The following IL1RL1 variants were observed in gnomAD, a reference collection of about 807,000 sequenced individuals.
The protein encoded by IL1RL1 is interleukin-1 receptor-like 1.
Under a neutral mutation model 50.9 loss-of-function variants are expected in IL1RL1, and 32 were observed. That is an observed-to-expected ratio of 0.63 (90% CI 0.47 to 0.84). IL1RL1 has a LOEUF of 0.84. IL1RL1 is among the 40% of genes least tolerant of loss of function. IL1RL1 has a pLI of 0.00. For synonymous variants in IL1RL1, 275 were observed against 236.0 expected (o/e 1.17, Z -1.51); for missense variants, 773 against 662.9 (o/e 1.17, Z -1.82).
In IL1RL1 at chr2:102,338,750, A is replaced by G. The variant is rs1573150148; in HGVS notation, c.62-87A>G. 3 of 1,033,076 alleles carry G rather than the reference A, an allele frequency of 2.9e-6. No homozygotes were observed. The East Asian group carries it at 7.3e-5, about 25-fold the overall frequency. 64.0% of individuals were successfully genotyped at this position (1,033,076 alleles called of 1,614,324 possible). On this transcript the variant is annotated intron_variant, in intron 2 of 10. Transcript: ENST00000233954. ...CAGTATATGACCGGCTTCTAAATTT[A>G]ATCCTAGAAGAAAATATTGAGAGTA...
In IL1RL1 at chr2:102,336,061, A is replaced by G. The variant is rs1573146974; in HGVS notation, c.-149-2055A>G. ...AGGCTGACTAAACCCCTGACAGATAAGAGATTCAAGAGTAGTCCCAGCCCC... is the reference window on the plus strand; with the variant it reads ...AGGCTGACTAAACCCCTGACAGATAGGAGATTCAAGAGTAGTCCCAGCCCC... On this transcript the variant is annotated intron_variant, in intron 1 of 10. Coordinates refer to ENST00000233954, the MANE Select transcript of IL1RL1 (RefSeq NM_016232.5). 3.3e-5 allele frequency among the ~76,000 whole-genome samples: 5 copies of G among 152,324 alleles called. 1 individual carries two copies. Among genetic ancestry groups the G allele is most frequent in the Admixed American group, 3.3e-4 (5 of 15,304 alleles).
In IL1RL1 at chr2:102,351,735, G is replaced by A. The variant is rs777825024; in HGVS notation, c.1485G>A (p.Ala495=). Reference sequence around the variant, plus strand: ...AGCTGGACATGCTGCAGGCTGAGGCGCTTCAGGACTCCCTCCAGCATCTTA... The same window carrying A: ...AGCTGGACATGCTGCAGGCTGAGGCACTTCAGGACTCCCTCCAGCATCTTA... ...LSELDMLQAE[A]LQDSLQHLMK... is the part of the protein sequence containing the mutation. Residue 495 remains alanine, a synonymous_variant, in exon 11 of 11, where the codon GCG becomes GCA. Coordinates refer to ENST00000233954, the MANE Select transcript of IL1RL1 (RefSeq NM_016232.5). The A allele has an allele frequency of 1.2e-5, 20 of 1,613,930 alleles. No individual in the cohort carries two copies. The highest frequency in any genetic ancestry group is 4.5e-5 in the East Asian group (2 of 44,890).
intron 2 of IL1RL1, 43 bp from the exon 3 acceptor site, chr2:102,338,794 C>T: frequency 7.1e-7 from 1 of 1,407,438 alleles, no homozygotes; most frequent in Non-Finnish European, 1.0e-6. Context: ...ATGATCTTTT[C>T]ATTTGATCAT....
Position 102,351,786 on chromosome 2 carries a change from G to A in IL1RL1, c.1536G>A (p.Trp512Ter). ...TGAAAGTACAGGGGACCATCAAGTG[G>A]AGGGAGGACCACATTGCCAATAAAA... The part of the protein sequence containing the change: ...HLMKVQGTIK[W>*]REDHIANKRS... The change falls in exon 11 of 11, where the codon TGG (tryptophan) becomes TGA (stop). Residue 512 changes from tryptophan to a stop codon, truncating the protein, a stop_gained. Coordinates refer to ENST00000233954, the MANE Select transcript of IL1RL1 (RefSeq NM_016232.5). LOFTEE classifies it low-confidence loss of function (END_TRUNC). 6.2e-7 allele frequency: 1 copy of A among 1,614,144 alleles called. No individual in the cohort carries two copies. The highest frequency in any genetic ancestry group is 8.5e-7 in the Non-Finnish European group (1 of 1,180,010).
chr2:102,343,073 A>T lies in IL1RL1; in HGVS notation c.720A>T (p.Gly240=). Residue 240 remains glycine, a synonymous_variant, in exon 7 of 11, where the codon GGA becomes GGT. Transcript: ENST00000233954. ...NANLTCSACF[G]KGTQFLAAVL... is the part of the protein sequence containing the mutation. ...ACCTAACTTGCTCTGCTTGTTTTGG[A>T]AAAGGCACTCAGTTCTTGGCTGCCG... is the stretch of plus-strand genomic sequence containing the variant. 1 of 1,613,954 alleles carries T rather than the reference A, an allele frequency of 6.2e-7. No individual in the cohort carries two copies.
At chr2:102,337,702 T>C (rs1239757310) in intron 1 of IL1RL1, among the ~76,000 whole-genome samples, 1 of 152,294 alleles carries the variant, frequency 6.6e-6, no homozygotes, top group Non-Finnish European at 1.5e-5. Context: ...ATGTGTCTGT[T>C]TGTGAGTTAT....
chr2:102,344,997 A>G, intron 8 of IL1RL1: 1 of 954,596 alleles, frequency 1.0e-6, no homozygotes, highest in South Asian at 4.8e-5. Flanking sequence ...ATCTTTTAAA[A>G]ATGTAACATT....
intron 1 of IL1RL1, among the ~76,000 whole-genome samples, chr2:102,336,988 G>C (rs953936349): frequency 2.0e-5 from 3 of 152,286 alleles, no homozygotes; most frequent in Middle Eastern, 6.8e-3. Context: ...AGAACTGAAA[G>C]TGTCCCAATA....
chr2:102,334,473 G>A (rs559975922), intron 1 of IL1RL1, among the ~76,000 whole-genome samples: 10 of 152,214 alleles, frequency 6.6e-5, no homozygotes, highest in African/African-American at 1.7e-4. Context: ...AGGCTAGGCC[G>A]TCTAGGGGCA....
In IL1RL1 at chr2:102,338,333, T is replaced by C; in HGVS notation, c.61+8T>C. ...CCACAGCAGCAAAGTTTAGTAAGTA[T>C]TGCCTTCTAAGTATAATTTAAATTT... On this transcript the variant is annotated splice_region_variant and intron_variant, in intron 2 of 10. Transcript: ENST00000233954. 6.6e-7 allele frequency: 1 copy of C among 1,513,646 alleles called. No individual in the cohort carries two copies. The allele number at this position is 1,513,646 out of a possible 1,614,324, so 93.8% of individuals were successfully genotyped here.
chr2:102,324,829 T>A (rs927367305), intron 1 of IL1RL1, among the ~76,000 whole-genome samples: 1 of 152,124 alleles, frequency 6.6e-6, no homozygotes. Context: ...TGCTGAGGCT[T>A]GAGTGGGTAA....
At chr2:102,313,286 G>C (rs373236228) in intron 1 of IL1RL1, 25 of 152,284 alleles carry the variant, frequency 1.6e-4, no homozygotes, top group African/African-American at 4.6e-4. Context: ...AATGATGTCA[G>C]ACCTCATCAT....
chr2:102,313,913 T>C (rs1676596134), intron 1 of IL1RL1, among the ~76,000 whole-genome samples: 2 of 152,184 alleles, frequency 1.3e-5, no homozygotes. Flanking sequence ...CCTCTGGTTC[T>C]AGAACAAAAA....
At chr2:102,336,937 C>A (rs760722314) in intron 1 of IL1RL1, among the ~76,000 whole-genome samples, 3 of 152,166 alleles carry the variant, frequency 2.0e-5, no homozygotes, top group Non-Finnish European at 4.4e-5. Flanking sequence ...CAAGGAATAT[C>A]TGGAAAGGCA....
chr2:102,312,292 T>C (rs1398700045), intron 1 of IL1RL1, among the ~76,000 whole-genome samples: 2 of 148,800 alleles, frequency 1.3e-5, no homozygotes, highest in Admixed American at 6.8e-5. Flanking sequence ...GTAATATATA[T>C]AACATTATAA....
At chr2:102,343,222 G>A (rs1185161354) in intron 7 of IL1RL1, 45 bp downstream of exon 7, 2 of 1,614,024 alleles carry the variant, frequency 1.2e-6, no homozygotes, top group East Asian at 2.2e-5. Flanking sequence ...CTTGCACATG[G>A]TTTGCACCTG....
At chr2:102,317,678 G>A (rs370746321) in intron 1 of IL1RL1, among the ~76,000 whole-genome samples, 1 of 152,042 alleles carries the variant, frequency 6.6e-6, no homozygotes, top group East Asian at 1.9e-4. Flanking sequence ...TTTGATTTCA[G>A]TAAACACACA....
chr2:102,348,934 G>C (rs942810841), intron 9 of IL1RL1, 145 bp from the exon 10 acceptor site: 18 of 615,480 alleles, frequency 2.9e-5, no homozygotes, highest in Non-Finnish European at 4.6e-5. Flanking sequence ...GTGGTTTGAC[G>C]TCAACATCTC....
At chr2:102,336,091 G>A (rs1411554777) in intron 1 of IL1RL1, among the ~76,000 whole-genome samples, 3 of 152,152 alleles carry the variant, frequency 2.0e-5, no homozygotes, top group Non-Finnish European at 4.4e-5. Flanking sequence ...AGCCCCCATG[G>A]GGAGCAAAGA....
Sources: gnomAD v4.1 joint callset for allele counts (sites outside exome capture counted in the v4.1 genomes callset) on GRCh38, gnomAD v4.1.1 for gene constraint, MANE v1.5 for transcripts, NCBI Gene and HGNC (gene_info 2026-07-23, HGNC 2026-07-21) for gene names.